The following SKAP1 variants were observed in gnomAD, a reference collection of about 807,000 sequenced individuals.
SKAP1 encodes src kinase-associated phosphoprotein 1.
Under a neutral mutation model 58.5 loss-of-function variants are expected in SKAP1, and 44 were observed. That is an observed-to-expected ratio of 0.75 (90% CI 0.59 to 0.97). The LOEUF is 0.97. SKAP1 is among the 50% of genes least tolerant of loss of function. The pLI is 0.00. For missense variants in SKAP1, 390 were observed against 435.2 expected (o/e 0.90, Z 0.92); for synonymous variants, 127 against 149.7 (o/e 0.85, Z 1.11).
intron 8 of SKAP1, among the ~76,000 whole-genome samples, chr17:48,181,862 T>A (rs985345814): frequency 2.0e-5 from 3 of 152,208 alleles, no homozygotes; most frequent in African/African-American, 7.2e-5. Context: ...AGCAGTCATT[T>A]ACCATCTTCA....
intron 1 of SKAP1, among the ~76,000 whole-genome samples, chr17:48,409,732 G>A (rs973172585): frequency 4.0e-5 from 6 of 151,770 alleles, no homozygotes; most frequent in African/African-American, 1.5e-4. Flanking sequence ...AGGAGTGGGC[G>A]AGGGATAAAC....
chr17:48,169,189 A>G (rs1388220426), intron 10 of SKAP1, among the ~76,000 whole-genome samples: 1 of 152,134 alleles, frequency 6.6e-6, no homozygotes, highest in African/African-American at 2.4e-5. Context: ...CCCAGATATA[A>G]CCTTAGAGAA....
intron 4 of SKAP1, among the ~76,000 whole-genome samples, chr17:48,253,863 T>G (rs541466916): frequency 6.6e-6 from 1 of 152,226 alleles, no homozygotes; most frequent in African/African-American, 2.4e-5. Flanking sequence ...TAAAAAATAA[T>G]AATAAGAAGA....
intron 4 of SKAP1, among the ~76,000 whole-genome samples, chr17:48,264,771 C>T (rs1313425782): frequency 6.6e-6 from 1 of 151,684 alleles, no homozygotes; most frequent in Admixed American, 6.6e-5. Flanking sequence ...CACACACACA[C>T]ACACACACAC....
intron 4 of SKAP1, among the ~76,000 whole-genome samples, chr17:48,323,074 C>T (rs1305507845): frequency 6.6e-6 from 1 of 151,742 alleles, no homozygotes; most frequent in African/African-American, 2.4e-5. Context: ...CTAGCCTGGG[C>T]AACAGAGTGA....
At chr17:48,312,549 G>T (rs1484594198) in intron 4 of SKAP1, among the ~76,000 whole-genome samples, 2 of 152,172 alleles carry the variant, frequency 1.3e-5, no homozygotes, top group Non-Finnish European at 2.9e-5. Context: ...GTAAAGAAAA[G>T]ATTTGAGGGC....
At chr17:48,381,876 A>C (rs1162397319) in intron 2 of SKAP1, among the ~76,000 whole-genome samples, 1 of 152,248 alleles carries the variant, frequency 6.6e-6, no homozygotes, top group Non-Finnish European at 1.5e-5. Flanking sequence ...TATATGTTCA[A>C]TAAACATTTG....
At chr17:48,400,936 T>C (rs567166802) in intron 1 of SKAP1, among the ~76,000 whole-genome samples, 21 of 152,174 alleles carry the variant, frequency 1.4e-4, no homozygotes, top group Middle Eastern at 3.4e-3. Context: ...CTGGCTTTTT[T>C]TGTAGAAATT....
At chr17:48,221,721 C>T (rs370606599) in intron 4 of SKAP1, among the ~76,000 whole-genome samples, 2 of 152,104 alleles carry the variant, frequency 1.3e-5, no homozygotes, top group Admixed American at 6.5e-5. Flanking sequence ...TCAGAATTGC[C>T]GAGTATCTTT....
intron 4 of SKAP1, among the ~76,000 whole-genome samples, chr17:48,327,643 G>A (rs1220843223): frequency 2.0e-5 from 3 of 152,144 alleles, no homozygotes; most frequent in African/African-American, 7.2e-5. Context: ...AATTCAACAT[G>A]TTATTCTAAG....
chr17:48,259,191 A>G (rs2065458489), intron 4 of SKAP1, among the ~76,000 whole-genome samples: 1 of 152,074 alleles, frequency 6.6e-6, no homozygotes, highest in Non-Finnish European at 1.5e-5. Flanking sequence ...GTGCAGAACA[A>G]TGTCAAATCT....
the SKAP1 span, among the ~76,000 whole-genome samples, chr17:48,444,225 C>G: frequency 1.4e-5 from 2 of 144,216 alleles, no homozygotes; most frequent in African/African-American, 2.4e-5. Flanking sequence ...GAAACCCCAT[C>G]TCTACTAAAA....
At chr17:48,171,105 T>TTG (rs2064208805) in intron 9 of SKAP1, among the ~76,000 whole-genome samples, 1 of 146,192 alleles carries the variant, frequency 6.8e-6, no homozygotes, top group African/African-American at 2.5e-5. Flanking sequence ...TTTTTTTTTT[T>TTG]TTTTTTTTTT....
the SKAP1 span, among the ~76,000 whole-genome samples, chr17:48,437,562 G>T: frequency 6.6e-6 from 1 of 152,012 alleles, no homozygotes; most frequent in African/African-American, 2.4e-5. Flanking sequence ...GGCCAACACA[G>T]CGAAATCCCA....
chr17:48,427,140 T>TG (rs955800336), intron 1 of SKAP1, among the ~76,000 whole-genome samples: 2 of 152,224 alleles, frequency 1.3e-5, no homozygotes, highest in Admixed American at 6.5e-5. Context: ...GTTAACAGTC[T>TG]GGTATATATT....
intron 4 of SKAP1, among the ~76,000 whole-genome samples, chr17:48,234,242 T>C (rs1003909371): frequency 3.9e-5 from 6 of 152,236 alleles, no homozygotes; most frequent in Non-Finnish European, 8.8e-5. Context: ...ATGTCAGCCC[T>C]CAGCTTGTTC....
intron 6 of SKAP1, among the ~76,000 whole-genome samples, chr17:48,187,200 G>T (rs2064468140): frequency 1.3e-5 from 2 of 152,146 alleles, no homozygotes; most frequent in African/African-American, 4.8e-5. Flanking sequence ...ATTAAACATG[G>T]ATGGGAGGTC....
At chr17:48,372,819 T>C (rs2067103632) in intron 2 of SKAP1, among the ~76,000 whole-genome samples, 1 of 152,146 alleles carries the variant, frequency 6.6e-6, no homozygotes, top group South Asian at 2.1e-4. Flanking sequence ...TTCCTTTATT[T>C]TTCATTTTAG....
chr17:48,156,135 T>C (rs1424243257), intron 11 of SKAP1, among the ~76,000 whole-genome samples: 1 of 152,222 alleles, frequency 6.6e-6, no homozygotes, highest in Non-Finnish European at 1.5e-5. Context: ...GGCGTGTATT[T>C]CAAACACAGC....
Sources: gnomAD v4.1 joint callset for allele counts (sites outside exome capture counted in the v4.1 genomes callset) on GRCh38, gnomAD v4.1.1 for gene constraint, MANE v1.5 for transcripts, NCBI Gene and HGNC (gene_info 2026-07-23, HGNC 2026-07-21) for gene names.